Variants in INO80E observed in about 807,000 individuals in gnomAD.
INO80E encodes INO80 complex subunit E, also known as coiled-coil domain containing 95.
A neutral mutation model predicts 27.3 loss-of-function variants in INO80E; 20 were observed. That is an observed-to-expected ratio of 0.73 (90% confidence interval 0.51 to 1.06). The LOEUF (loss-of-function observed/expected upper bound fraction) is 1.06. Ranked by LOEUF, INO80E falls within the 50% of genes least tolerant of loss-of-function variation. The pLI, the probability that INO80E is intolerant of heterozygous loss-of-function variation, is 0.00. For missense variants in INO80E, 357 were observed against 322.8 expected, an observed-to-expected ratio of 1.11 and a Z score of -0.81; for synonymous variants, 167 against 145.9, an observed-to-expected ratio of 1.14 and a Z score of -1.04.
chr16:30,001,426 C>A lies in INO80E; in HGVS notation c.409C>A (p.Arg137Ser). ...CTCCCGCCCGCAGCTGGCCTCCTCC[C>A]GCTACCCCCCATTCCCTTCTGACTA... is the stretch of plus-strand genomic sequence containing the variant. ...SPYLSSLASS[R>S]YPPFPSDYLA... The change falls in exon 6 of 7, where the codon CGC becomes AGC. Residue 137 changes from arginine to serine, a missense_variant. Physicochemically the swap from Arg to Ser is moderately radical, Grantham distance 110. Coordinates refer to ENST00000563197, the MANE Select transcript of INO80E (RefSeq NM_173618.3). 6.2e-7 allele frequency: 1 copy of A among 1,602,652 alleles called. No homozygotes were observed. Among genetic ancestry groups the A allele is most frequent in the Non-Finnish European group, 8.5e-7 (1 of 1,174,132 alleles).
chr16:30,004,246 C>T (rs1470204605), intron 6 of INO80E: 1 of 152,460 alleles, frequency 6.6e-6, no homozygotes, highest in East Asian at 1.9e-4. Flanking sequence ...TTTCCCGCCC[C>T]CCAGTGTCCT....
rs1164963009 is a variant in INO80E, at chr16:30,000,788, G to A, written c.236G>A (p.Ser79Asn). The part of the protein sequence containing the change: ...DSDATASSDN[S>N]ETEGTPKLSD... ...GATGCCACTGCATCATCAGATAACA[G>A]CGAGACGGAGGGGACACCCAAGTTG... Residue 79 changes from serine to asparagine, a missense_variant, in exon 4 of 7, where the codon AGC (serine) becomes AAC (asparagine). Transcript: ENST00000563197. 2 of 1,614,050 alleles carry A rather than the reference G, an allele frequency of 1.2e-6. No homozygotes were observed. The highest frequency in any genetic ancestry group is 1.7e-6 in the Non-Finnish European group (2 of 1,180,012).
At position 30,005,147 on chromosome 16, in the gene INO80E, G is replaced by T. The variant is rs376711602; in HGVS notation, c.514-74G>T. On this transcript the variant is annotated intron_variant, in intron 6 of 6. Transcript: ENST00000563197. Reference sequence around the variant, plus strand: ...TTCCCCCTCCCCAGAGCTGCCCTGGGGGGCAAAGCCTAGTCTCCTGAGGCC... The same window carrying T: ...TTCCCCCTCCCCAGAGCTGCCCTGGTGGGCAAAGCCTAGTCTCCTGAGGCC... The T allele has an allele frequency of 8.5e-6, 12 of 1,405,636 alleles. No homozygotes were observed. The African/African-American group carries it at 1.0e-4, about 12-fold the overall frequency. The allele number at this position is 1,405,636 out of a possible 1,614,324, so 87.1% of individuals were successfully genotyped here. A position where few individuals can be genotyped will look rare whatever the true frequency, so the allele number is the denominator to read the frequency against.
chr16:30,001,227 T>C, intron 5 of INO80E, 187 bp downstream of exon 5: 1 of 1,490,420 alleles, frequency 6.7e-7, no homozygotes, highest in Non-Finnish European at 8.9e-7. Context: ...GGGCCAGGCC[T>C]GACTGAGGAG....
intron 6 of INO80E, chr16:30,004,534 G>A: frequency 6.5e-6 from 1 of 153,360 alleles, no homozygotes; most frequent in East Asian, 1.9e-4. Context: ...GAGGCCCCGA[G>A]TGGCACGGTG....
Position 30,003,475 on chromosome 16 carries a change from T to C in INO80E, c.514-1746T>C, listed in dbSNP as rs2070421441. On this transcript the variant is annotated intron_variant, in intron 6 of 6. Coordinates refer to ENST00000563197, the MANE Select transcript of INO80E (RefSeq NM_173618.3). This position sits in a 1 kb window ranked among gnomAD's most constrained non-coding sequence, Gnocchi z 4.4. ...CTGAAGGGCCAGGGGAGTGAGGAGA[T>C]GGAAGGAAGGGAGTCCAAGCAGAGG... 6.6e-6 allele frequency: 1 copy of C among 151,520 alleles called. No individual in the cohort carries two copies. Among genetic ancestry groups the C allele is most frequent in the Admixed American group, 6.6e-5 (1 of 15,222 alleles). The allele number at this position is 151,520 out of a possible 1,614,324, so 9.4% of individuals were successfully genotyped here. A position where few individuals can be genotyped will look rare whatever the true frequency, so the allele number is the denominator to read the frequency against.
chr16:29,999,973 G>A (rs1486167286), intron 3 of INO80E, among the ~76,000 whole-genome samples: 4 of 152,112 alleles, frequency 2.6e-5, no homozygotes, highest in Non-Finnish European at 5.9e-5. Flanking sequence ...AGATGAACAG[G>A]ACCCTGGTTA....
chr16:30,005,318 C>T lies in INO80E; in HGVS notation c.611C>T (p.Pro204Leu), dbSNP rs2070530145. Residue 204 changes from proline (P) to leucine (L), a missense_variant, in exon 7 of 7, where the codon CCA (proline) becomes CTA (leucine). Pro to Leu is a moderately conservative substitution (Grantham distance 98). Coordinates refer to ENST00000563197, the MANE Select transcript of INO80E (RefSeq NM_173618.3). ...AGVGTTLTPL[P>L]PPKMPPPTIL... ...GTCGGGACAACCCTGACCCCCCTCC[C>T]ACCCCCTAAGATGCCCCCCCCCACG... 9.9e-7 allele frequency: 1 copy of T among 1,009,754 alleles called. No individual in the cohort carries two copies. The highest frequency in any genetic ancestry group is 1.3e-6 in the Non-Finnish European group (1 of 763,058). The allele number at this position is 1,009,754 out of a possible 1,614,324, so 62.5% of individuals were successfully genotyped here.
At chr16:29,998,342 G>T (rs1348623939) in intron 3 of INO80E, among the ~76,000 whole-genome samples, 4 of 151,492 alleles carry the variant, frequency 2.6e-5, no homozygotes, top group African/African-American at 9.7e-5. Context: ...GGCTAGAGCT[G>T]TCCCGGCAGA....
intron 5 of INO80E, 121 bp from the exon 6 acceptor site, chr16:30,001,293 C>G (rs2070342644): frequency 1.3e-6 from 2 of 1,492,880 alleles, no homozygotes; most frequent in South Asian, 1.3e-5. Context: ...CTCGGGAGCC[C>G]CGGGAGCCGC....
rs1023904524 is a variant in INO80E at position 30,003,079 on chromosome 16, G to C, written c.513+1549G>C. ...GCAGGGTAGGGGGTGGCGCAGCACT[G>C]GGGGGCACTTTGAGGCTTTCTGGCT... On this transcript the variant is annotated intron_variant, in intron 6 of 6. Transcript: ENST00000563197. The surrounding 1 kb of genome is among the most constrained non-coding windows in gnomAD (Gnocchi z 4.4). 6.5e-6 allele frequency: 1 copy of C among 152,940 alleles called. No individual in the cohort carries two copies. Among genetic ancestry groups the C allele is most frequent in the African/African-American group, 2.4e-5 (1 of 41,416 alleles). The allele number at this position is 152,940 out of a possible 1,614,324, so 9.5% of individuals were successfully genotyped here.
At chr16:30,000,502 T>G (rs2070307140) in intron 3 of INO80E, among the ~76,000 whole-genome samples, 1 of 152,130 alleles carries the variant, frequency 6.6e-6, no homozygotes, top group African/African-American at 2.4e-5. Context: ...TAGCTGGGAC[T>G]ACAAGCACAC....
At chr16:29,997,598 AC>A (rs1467905324) in intron 3 of INO80E, among the ~76,000 whole-genome samples, 1 of 152,110 alleles carries the variant, frequency 6.6e-6, no homozygotes, top group Non-Finnish European at 1.5e-5. Context: ...TACTAAAGAT[AC>A]AAAAATTAGT....
chr16:29,997,590 C>T (rs1325817437), intron 3 of INO80E, among the ~76,000 whole-genome samples: 5 of 152,030 alleles, frequency 3.3e-5, no homozygotes, highest in Non-Finnish European at 5.9e-5. Context: ...CTCGTCTCTA[C>T]TAAAGATACA....
chr16:30,001,601 C>G (rs11866084), intron 6 of INO80E, 71 bp downstream of exon 6: 2 of 1,429,208 alleles, frequency 1.4e-6, no homozygotes, highest in African/African-American at 2.8e-5. Flanking sequence ...AGGCTGAAGG[C>G]GGGGGCCTGT....
At chr16:29,997,713 C>T (rs2070186373) in intron 3 of INO80E, among the ~76,000 whole-genome samples, 1 of 151,510 alleles carries the variant, frequency 6.6e-6, no homozygotes, top group African/African-American at 2.4e-5. Flanking sequence ...GAGATCGCTG[C>T]CACTGCATTC....
In INO80E at chr16:30,005,354, C is replaced by T. The variant is rs201639145; in HGVS notation, c.647C>T (p.Thr216Met). The change falls in exon 7 of 7, where the codon ACG (threonine) becomes ATG (methionine). Residue 216 changes from threonine (T) to methionine (M), a missense_variant. By Grantham distance (81) the Thr-to-Met change is moderately conservative. Transcript: ENST00000563197. ...ATGCCCCCCCCCACGATCCTGAGCACGGTCCCTCGGCAGATGTTCAGCGAT... is the reference window on the plus strand; with the variant it reads ...ATGCCCCCCCCCACGATCCTGAGCATGGTCCCTCGGCAGATGTTCAGCGAT... Reference protein sequence around the residue: ...PKMPPPTILSTVPRQMFSDAG... With the variant: ...PKMPPPTILSMVPRQMFSDAG... 6.7e-6 allele frequency: 9 copies of T among 1,334,536 alleles called. No individual in the cohort carries two copies. Among genetic ancestry groups the T allele is most frequent in the East Asian group, 5.3e-5 (1 of 19,022 alleles). The allele number at this position is 1,334,536 out of a possible 1,614,324, so 82.7% of individuals were successfully genotyped here.
At position 29,996,373 on chromosome 16, in the gene INO80E, G is replaced by A. The variant is rs1441461346; in HGVS notation, c.63G>A (p.Lys21=). 1.3e-6 allele frequency: 2 copies of A among 1,595,316 alleles called. No individual in the cohort carries two copies. The highest frequency in any genetic ancestry group is 1.3e-5 in the African/African-American group (1 of 74,694). ...AAAAATACCGGAATCTGAAGCGGAA[G>A]CTCAAGTTCCTCATCTACGTGAGTG... ...YKKKYRNLKR[K]LKFLIYEHEC... is the part of the protein sequence containing the mutation. The change falls in exon 1 of 7, where the codon AAG becomes AAA. Residue 21 remains lysine (K), a synonymous_variant. Transcript: ENST00000563197.
At position 30,005,524 on chromosome 16, in the gene INO80E, GT is replaced by G; in HGVS notation, c.*83del. The G allele has an allele frequency of 7.5e-7, 1 of 1,325,972 alleles. No homozygotes were observed. Among genetic ancestry groups the G allele is most frequent in the South Asian group, 1.3e-5 (1 of 77,380 alleles). 82.1% of individuals were successfully genotyped at this position (1,325,972 alleles called of 1,614,324 possible). A position where few individuals can be genotyped will look rare whatever the true frequency, so the allele number is the denominator to read the frequency against. ...ACACACGAGTCCAGCTTCCTCGGAGGTGTTTATTGATGCCCAGCTGCCATGC... is the reference window on the plus strand; with the variant it reads ...ACACACGAGTCCAGCTTCCTCGGAGGGTTTATTGATGCCCAGCTGCCATGC... On this transcript the variant is annotated 3_prime_UTR_variant, in exon 7 of 7. Transcript: ENST00000563197.
Sources: gnomAD v4.1 joint callset for allele counts (sites outside exome capture counted in the v4.1 genomes callset) on GRCh38, gnomAD v4.1.1 for gene constraint, Gnocchi (gnomAD v3.1) non-coding constraint, MANE v1.5 for transcripts, NCBI Gene and HGNC (gene_info 2026-07-23, HGNC 2026-07-21) for gene names.